The following ROS1 variants were observed in gnomAD, a reference collection of about 807,000 sequenced individuals.
ROS1 encodes the protein ROS proto-oncogene 1, receptor tyrosine kinase, also known as proto-oncogene tyrosine-protein kinase ROS.
ROS1 carries 263 observed loss-of-function variants against 273.5 expected under a neutral mutation model. That is an observed-to-expected ratio of 0.96 (90% CI 0.87 to 1.06). The LOEUF (loss-of-function observed/expected upper bound fraction) is 1.06, where lower values mean the gene tolerates loss of function less well. Ranked by LOEUF, ROS1 falls within the 50% of genes least tolerant of loss-of-function variation. The probability of loss-of-function intolerance (pLI) is 0.00; values close to 1 mark genes in which losing one functional copy is unlikely to be tolerated. For synonymous variants in ROS1, 1,008 were observed against 954.1 expected (o/e 1.06, Z -1.04); for missense variants, 2,833 against 2,751.1 (o/e 1.03, Z -0.67).
At chr6:117,411,913 T>C (rs1774942895) in intron 4 of ROS1, among the ~76,000 whole-genome samples, 1 of 152,068 alleles carries the variant, frequency 6.6e-6, no homozygotes, top group South Asian at 2.1e-4. Flanking sequence ...ATAATGAAAA[T>C]TGCTAGGACG....
At chr6:117,302,175 GAA>G in intron 42 of ROS1, among the ~76,000 whole-genome samples, 1 of 152,128 alleles carries the variant, frequency 6.6e-6, no homozygotes, top group Non-Finnish European at 1.5e-5. Flanking sequence ...CCTAGCATAA[GAA>G]AAGAAACTTC....
intron 18 of ROS1, among the ~76,000 whole-genome samples, chr6:117,372,087 G>A (rs933227511): frequency 5.3e-5 from 8 of 152,102 alleles, no homozygotes; most frequent in Middle Eastern, 3.2e-3. Context: ...GGCATAGAAG[G>A]GGCATATCTT....
chr6:117,422,385 T>C (rs1775822117), intron 1 of ROS1, among the ~76,000 whole-genome samples: 1 of 152,228 alleles, frequency 6.6e-6, no homozygotes, highest in South Asian at 2.1e-4. Context: ...TTTTTTATGC[T>C]ACATGGATAG....
intron 33 of ROS1, chr6:117,328,670 T>C (rs1210270663): frequency 1.7e-6 from 1 of 592,738 alleles, no homozygotes; most frequent in Non-Finnish European, 3.4e-6. Flanking sequence ...GTGAGAGGAG[T>C]GTCTTTGGAA....
intron 27 of ROS1, among the ~76,000 whole-genome samples, chr6:117,352,467 T>G (rs971522325): frequency 2.6e-5 from 4 of 152,128 alleles, no homozygotes; most frequent in Non-Finnish European, 4.4e-5. Flanking sequence ...CAGTGACATT[T>G]TTTTTAAAAA....
intron 11 of ROS1, 25 bp from the exon 12 acceptor site, chr6:117,393,346 T>G: frequency 8.8e-5 from 113 of 1,289,408 alleles, no homozygotes; most frequent in Non-Finnish European, 1.1e-4. Flanking sequence ...AATATACCGG[T>G]AGGATTAGCA....
At chr6:117,379,582 C>T (rs963478987) in intron 17 of ROS1, among the ~76,000 whole-genome samples, 1 of 152,122 alleles carries the variant, frequency 6.6e-6, no homozygotes, top group African/African-American at 2.4e-5. Flanking sequence ...CAACATGAGC[C>T]AGTGAATTTT....
At chr6:117,370,672 T>C (rs1465691609) in intron 18 of ROS1, among the ~76,000 whole-genome samples, 1 of 152,192 alleles carries the variant, frequency 6.6e-6, no homozygotes, top group East Asian at 1.9e-4. Flanking sequence ...AAATCATTTA[T>C]GAAGGATATA....
Position 117,394,126 on chromosome 6 carries a change from G to C in ROS1, c.1191+36C>G, listed in dbSNP as rs771282844. On this transcript the variant is annotated intron_variant, in intron 11 of 43. Transcript: ENST00000368507. ...CCAAGATATGCATATCAGTATCACT[G>C]TCTATCACTATTCCTCTTTAACTTC... The C allele has an allele frequency of 2.0e-5, 28 of 1,391,142 alleles. No homozygotes were observed. In the Admixed American group the frequency reaches 2.3e-4, roughly 12 times the overall value. The allele number at this position is 1,391,142 out of a possible 1,614,324, so 86.2% of individuals were successfully genotyped here.
At chr6:117,368,959 A>G (rs1256659835) in intron 18 of ROS1, among the ~76,000 whole-genome samples, 1 of 152,162 alleles carries the variant, frequency 6.6e-6, no homozygotes, top group African/African-American at 2.4e-5. Context: ...ATATACTATT[A>G]AAGTTACGTT....
At position 117,389,846 on chromosome 6, in the gene ROS1, C is replaced by A. The variant is rs781723412; in HGVS notation, c.1290G>T (p.Gly430=). The A allele has an allele frequency of 6.3e-7, 1 of 1,598,470 alleles. No individual in the cohort carries two copies. Among genetic ancestry groups the A allele is most frequent in the South Asian group, 1.1e-5 (1 of 90,106 alleles). ...CATCTCTCAGGAGGTAAAAGACATA[C>A]CTGACACAGGAACAAAAGAAACCTC... The part of the protein sequence containing the change: ...PQKIVADSYN[G]YVFYLLRDGI... The change falls in exon 13 of 44, where the codon GGG becomes GGT. Residue 430 remains glycine (G), a splice_region_variant and synonymous_variant. Transcript: ENST00000368507.
intron 31 of ROS1, among the ~76,000 whole-genome samples, chr6:117,340,051 C>A (rs1253811187): frequency 6.6e-6 from 1 of 152,112 alleles, no homozygotes; most frequent in Non-Finnish European, 1.5e-5. Flanking sequence ...ACTTTACATC[C>A]TTCCTCTTGG....
At chr6:117,366,396 G>T in intron 18 of ROS1, 106 bp from the exon 19 acceptor site, 1 of 721,504 alleles carries the variant, frequency 1.4e-6, no homozygotes, top group Non-Finnish European at 2.4e-6. Flanking sequence ...GTACGCATTT[G>T]TGTACATTAA....
At chr6:117,291,779 TTTACTC>T (rs1484418668) in intron 43 of ROS1, among the ~76,000 whole-genome samples, 1 of 152,126 alleles carries the variant, frequency 6.6e-6, no homozygotes, top group Admixed American at 6.5e-5. Context: ...ACAGAGGTAT[TTTACTC>T]TTTATATTGA....
chr6:117,424,876 C>G (rs902870694), intron 1 of ROS1, among the ~76,000 whole-genome samples: 1 of 152,068 alleles, frequency 6.6e-6, no homozygotes, highest in Non-Finnish European at 1.5e-5. Flanking sequence ...AGTGCATTTT[C>G]TCTGTCTATA....
chr6:117,299,506 A>T (rs1317466065), intron 43 of ROS1: 1 of 152,222 alleles, frequency 6.6e-6, no homozygotes, highest in Non-Finnish European at 1.5e-5. Context: ...GTTGAAGAGT[A>T]TGACCTTCCC....
At chr6:117,359,260 T>A (rs1770458053) in intron 24 of ROS1, among the ~76,000 whole-genome samples, 1 of 152,236 alleles carries the variant, frequency 6.6e-6, no homozygotes, top group Non-Finnish European at 1.5e-5. Flanking sequence ...ACAACAGTTA[T>A]CCTAGTCTGT....
At position 117,326,428 on chromosome 6, in the gene ROS1, T is replaced by C; in HGVS notation, c.5349-14A>G. ...GAAGTGCTCTTTCTGCAAAAAATAA[T>C]AAATACAGAAAATATACATGACAAT... On this transcript the variant is annotated splice_polypyrimidine_tract_variant and intron_variant, in intron 33 of 43. Coordinates refer to ENST00000368507, the MANE Select transcript of ROS1 (RefSeq NM_001378902.1). The C allele has an allele frequency of 6.9e-7, 1 of 1,446,812 alleles. No homozygotes were observed. Among genetic ancestry groups the C allele is most frequent in the Non-Finnish European group, 9.3e-7 (1 of 1,072,926 alleles). The allele number at this position is 1,446,812 out of a possible 1,614,324, so 89.6% of individuals were successfully genotyped here. A position where few individuals can be genotyped will look rare whatever the true frequency, so the allele number is the denominator to read the frequency against.
rs1779088777 is a variant in ROS1, at chr6:117,354,010, C to A, written c.4127-844G>T. Among the ~76,000 whole-genome samples the A allele has an allele frequency of 2.6e-5, 4 of 152,058 alleles. No homozygotes were observed. In the South Asian group the frequency reaches 8.3e-4, roughly 32 times the overall value. Reference sequence around the variant, plus strand: ...GGCGACTAGGACAAAGATTTAGATGCCACATTGCCTGGGGAGCAATTGAAG... The same window carrying A: ...GGCGACTAGGACAAAGATTTAGATGACACATTGCCTGGGGAGCAATTGAAG... On this transcript the variant is annotated intron_variant, in intron 26 of 43. Transcript: ENST00000368507.
Sources: gnomAD v4.1 joint callset for allele counts (sites outside exome capture counted in the v4.1 genomes callset) on GRCh38, gnomAD v4.1.1 for gene constraint, MANE v1.5 for transcripts, NCBI Gene and HGNC (gene_info 2026-07-23, HGNC 2026-07-21) for gene names.